LAMA3: variants seen among roughly 807,000 people sequenced by gnomAD.
LAMA3 encodes the protein laminin subunit alpha-3.
In LAMA3, 281 loss-of-function variants were observed where a neutral mutation model predicts 402.0. The observed-to-expected ratio is 0.70, with a 90% CI of 0.63 to 0.77. LAMA3 has a LOEUF of 0.77. Ranked by LOEUF, LAMA3 falls within the 30% of genes least tolerant of loss-of-function variation. The probability of loss-of-function intolerance (pLI) is 0.00; values close to 1 mark genes in which losing one functional copy is unlikely to be tolerated. For synonymous variants in LAMA3, 1,431 were observed against 1,558.4 expected (o/e 0.92, Z 1.93); for missense variants, 3,840 against 4,215.5 (o/e 0.91, Z 2.47).
At chr18:23,937,525 C>T (rs1035687695) in intron 67 of LAMA3, among the ~76,000 whole-genome samples, 4 of 152,000 alleles carry the variant, frequency 2.6e-5, no homozygotes, top group Admixed American at 1.3e-4. Flanking sequence ...GCCAGGGAGG[C>T]GGGTGTCCAT....
chr18:23,777,442 A>G (rs2062346467), intron 10 of LAMA3, 115 bp from the exon 11 acceptor site: 2 of 761,930 alleles, frequency 2.6e-6, no homozygotes, highest in Non-Finnish European at 2.4e-6. Flanking sequence ...ATTAGTCTCT[A>G]TATGCTACTT....
At chr18:23,889,934 G>C in intron 41 of LAMA3, 77 bp from the exon 42 acceptor site, 1 of 1,057,948 alleles carries the variant, frequency 9.5e-7, no homozygotes, top group Non-Finnish European at 1.5e-6. Context: ...CAAACAGAGA[G>C]CTAGAGATTG....
intron 68 of LAMA3, among the ~76,000 whole-genome samples, chr18:23,943,247 T>C (rs1312260299): frequency 3.3e-5 from 5 of 152,210 alleles, no homozygotes; most frequent in African/African-American, 1.2e-4. Flanking sequence ...GTCGTGTTCA[T>C]CGAGAGAGAA....
intron 50 of LAMA3, 103 bp from the exon 51 acceptor site, chr18:23,904,450 A>G (rs2081175309): frequency 7.7e-6 from 10 of 1,302,152 alleles, no homozygotes; most frequent in East Asian, 2.5e-5. Context: ...TTAAAAAAAA[A>G]AAAGAAAGAA....
intron 1 of LAMA3, among the ~76,000 whole-genome samples, chr18:23,705,455 A>T (rs1369444690): frequency 6.6e-6 from 1 of 150,960 alleles, no homozygotes; most frequent in African/African-American, 2.4e-5. Context: ...TGACATACAC[A>T]CACACACACA....
At position 23,928,107 on chromosome 18, in the gene LAMA3, C is replaced by G; in HGVS notation, c.8178-16C>G. The G allele has an allele frequency of 6.4e-7, 1 of 1,554,128 alleles. No individual in the cohort carries two copies. The highest frequency in any genetic ancestry group is 8.9e-7 in the Non-Finnish European group (1 of 1,125,276). ...GACATGATCCATCTCTTCCTTTTAT[C>G]TGTGTTCGTAATCAGATTTAACATT... is the stretch of plus-strand genomic sequence containing the variant. On this transcript the variant is annotated splice_polypyrimidine_tract_variant and intron_variant, in intron 62 of 74. Coordinates refer to ENST00000313654, the MANE Select transcript of LAMA3 (RefSeq NM_198129.4).
At chr18:23,826,294 A>G (rs1201706330) in intron 21 of LAMA3, among the ~76,000 whole-genome samples, 1 of 152,250 alleles carries the variant, frequency 6.6e-6, no homozygotes, top group Non-Finnish European at 1.5e-5. Context: ...ATACCGTGCC[A>G]GTTGAGCGTT....
At chr18:23,701,065 C>T (rs550754474) in intron 1 of LAMA3, among the ~76,000 whole-genome samples, 6 of 152,172 alleles carry the variant, frequency 3.9e-5, no homozygotes, top group Non-Finnish European at 5.9e-5. Flanking sequence ...AATAATAAGA[C>T]ACTGATAAAA....
At chr18:23,852,486 G>A (rs4488534) in intron 32 of LAMA3, among the ~76,000 whole-genome samples, 3 of 151,422 alleles carry the variant, frequency 2.0e-5, no homozygotes, top group African/African-American at 7.3e-5. Flanking sequence ...AGGTTTTTTA[G>A]CTTTCCCTTA....
chr18:23,873,018 G>T (rs754661763), intron 38 of LAMA3: 2 of 1,613,886 alleles, frequency 1.2e-6, no homozygotes, highest in Admixed American at 1.7e-5. Flanking sequence ...AGGTTCCTGC[G>T]CAGCCAGCGG....
chr18:23,692,146 A>T (rs2060601012), intron 1 of LAMA3, among the ~76,000 whole-genome samples: 1 of 152,264 alleles, frequency 6.6e-6, no homozygotes, highest in Admixed American at 6.5e-5. Flanking sequence ...ATGGTACTAT[A>T]GCTCTAGCTC....
At chr18:23,766,979 T>G (rs990261946) in intron 8 of LAMA3, among the ~76,000 whole-genome samples, 1 of 152,210 alleles carries the variant, frequency 6.6e-6, no homozygotes. Flanking sequence ...ACCTAAGGAC[T>G]CTTCCAGAAG....
chr18:23,706,017 G>A (rs374001218), intron 1 of LAMA3, among the ~76,000 whole-genome samples: 3 of 151,792 alleles, frequency 2.0e-5, no homozygotes, highest in Admixed American at 6.6e-5. Context: ...ACATCTGTAC[G>A]TATTTCGAAA....
chr18:23,784,707 G>A (rs563605809), intron 12 of LAMA3, among the ~76,000 whole-genome samples: 70 of 152,306 alleles, frequency 4.6e-4, no homozygotes, highest in Middle Eastern at 3.4e-3. Context: ...AGGAGGAAGT[G>A]TCTGGTCCGG....
intron 40 of LAMA3, among the ~76,000 whole-genome samples, chr18:23,884,280 T>C (rs1598998422): frequency 6.6e-6 from 1 of 152,040 alleles, no homozygotes; most frequent in Non-Finnish European, 1.5e-5. Context: ...AGGCGAGTGG[T>C]CTCTGTGCAT....
chr18:23,689,920 G>A lies in LAMA3; in HGVS notation c.237G>A (p.Glu79=). ...RGPGEGRPQP[E]LYCKLVGGPT... ...CCGGCGAGGGGAGGCCCCAGCCCGAGCTCTACTGCAAGTTGGTCGGGGGCC... is the reference window on the plus strand; with the variant it reads ...CCGGCGAGGGGAGGCCCCAGCCCGAACTCTACTGCAAGTTGGTCGGGGGCC... The change falls in exon 1 of 75, where the codon GAG becomes GAA. Residue 79 remains glutamate (E), a synonymous_variant. Transcript: ENST00000313654. The A allele has an allele frequency of 6.5e-7, 1 of 1,532,614 alleles. No homozygotes were observed. Among genetic ancestry groups the A allele is most frequent in the Non-Finnish European group, 8.8e-7 (1 of 1,139,836 alleles). The allele number at this position is 1,532,614 out of a possible 1,614,324, so 94.9% of individuals were successfully genotyped here.
At chr18:23,753,143 C>G (rs2061783187) in intron 5 of LAMA3, among the ~76,000 whole-genome samples, 1 of 152,216 alleles carries the variant, frequency 6.6e-6, no homozygotes, top group Non-Finnish European at 1.5e-5. Context: ...CTGGCTCTGT[C>G]TGGCCTTTCT....
intron 50 of LAMA3, among the ~76,000 whole-genome samples, 196 bp downstream of exon 50, chr18:23,904,283 C>G (rs1392418945): frequency 6.6e-6 from 1 of 152,168 alleles, no homozygotes; most frequent in Non-Finnish European, 1.5e-5. Flanking sequence ...TGGCCACGTC[C>G]TTTGGGCACA....
At chr18:23,944,134 G>A (rs576661128) in intron 69 of LAMA3, among the ~76,000 whole-genome samples, 163 bp downstream of exon 69, 5 of 152,266 alleles carry the variant, frequency 3.3e-5, no homozygotes, top group South Asian at 2.1e-4. Context: ...ACTGGAGGCC[G>A]CGGCACACAC....
Sources: gnomAD v4.1 joint callset for allele counts (sites outside exome capture counted in the v4.1 genomes callset) on GRCh38, gnomAD v4.1.1 for gene constraint, MANE v1.5 for transcripts, NCBI Gene and HGNC (gene_info 2026-07-23, HGNC 2026-07-21) for gene names.